Variants in TLK2 observed in about 807,000 individuals in gnomAD.
The protein encoded by TLK2 is tousled like kinase 2, also known as serine/threonine-protein kinase tousled-like 2.
TLK2 carries 6 observed loss-of-function variants against 117.3 expected under a neutral mutation model. That is an observed-to-expected ratio of 0.05 (90% CI 0.03 to 0.10). The LOEUF is 0.10. Among genes scored for constraint, TLK2 ranks in the 10% least tolerant of loss-of-function variants. The pLI, the probability that TLK2 is intolerant of heterozygous loss-of-function variation, is 1.00. For synonymous variants in TLK2, 257 were observed against 316.7 expected (o/e 0.81, Z 2.00); for missense variants, 299 against 901.2 (o/e 0.33, Z 8.56).
chr17:62,586,612 G>A (rs2081625526), intron 16 of TLK2, among the ~76,000 whole-genome samples: 1 of 152,104 alleles, frequency 6.6e-6, no homozygotes, highest in Non-Finnish European at 1.5e-5. Flanking sequence ...ACGAAGTCAG[G>A]AGATCGAGAC....
intron 16 of TLK2, among the ~76,000 whole-genome samples, chr17:62,590,391 A>G (rs1009362803): frequency 6.6e-6 from 1 of 152,128 alleles, no homozygotes; most frequent in Non-Finnish European, 1.5e-5. Context: ...GTGAGCCAAG[A>G]TCGCGCCACT....
At chr17:62,566,868 TA>T (rs1358227075) in intron 11 of TLK2, among the ~76,000 whole-genome samples, 2 of 152,232 alleles carry the variant, frequency 1.3e-5, no homozygotes, top group Non-Finnish European at 2.9e-5. Flanking sequence ...ACTATTTAGA[TA>T]GCAGTCTTTT....
At chr17:62,586,108 C>T in intron 15 of TLK2, 27 bp from the exon 16 acceptor site, 1 of 1,546,150 alleles carries the variant, frequency 6.5e-7, no homozygotes, top group Non-Finnish European at 8.8e-7. Flanking sequence ...TAACATTTAC[C>T]CAGTATATAA....
chr17:62,590,838 T>C (rs1051400488), intron 16 of TLK2, among the ~76,000 whole-genome samples: 12 of 152,220 alleles, frequency 7.9e-5, no homozygotes, highest in African/African-American at 2.9e-4. Flanking sequence ...TTTTGTAAAA[T>C]AAAAACGTAC....
intron 9 of TLK2, among the ~76,000 whole-genome samples, chr17:62,559,615 T>A (rs559704796): frequency 6.6e-6 from 1 of 152,186 alleles, no homozygotes; most frequent in South Asian, 2.1e-4. Flanking sequence ...TGACCTCAAG[T>A]CATCTGCCTG....
intron 1 of TLK2, among the ~76,000 whole-genome samples, chr17:62,472,692 C>G (rs57171530): frequency 0.044 from 6,553 of 150,594 alleles, 150 homozygotes; most frequent in Middle Eastern, 0.11. Flanking sequence ...GAGCTGAGAT[C>G]GCACCACTGC....
At chr17:62,542,474 C>T (rs1395931183) in intron 7 of TLK2, among the ~76,000 whole-genome samples, 1 of 152,184 alleles carries the variant, frequency 6.6e-6, no homozygotes, top group African/African-American at 2.4e-5. Context: ...ACATAACTTT[C>T]ACCCAGTCTT....
At chr17:62,505,340 C>G (rs2074580278) in intron 2 of TLK2, among the ~76,000 whole-genome samples, 1 of 149,132 alleles carries the variant, frequency 6.7e-6, no homozygotes, top group South Asian at 2.1e-4. Flanking sequence ...AACTCCTGGA[C>G]TTAAGTGATC....
intron 3 of TLK2, among the ~76,000 whole-genome samples, chr17:62,521,952 C>A (rs1461388845): frequency 6.6e-6 from 1 of 152,164 alleles, no homozygotes; most frequent in Non-Finnish European, 1.5e-5. Context: ...GGTTTTGTAG[C>A]AGCTCTGATT....
chr17:62,556,492 C>G (rs2078873644), intron 9 of TLK2, among the ~76,000 whole-genome samples: 1 of 152,168 alleles, frequency 6.6e-6, no homozygotes, highest in African/African-American at 2.4e-5. Context: ...CTCTTTTGCC[C>G]TCCCGTGGAA....
At chr17:62,592,930 A>G (rs1306633640) in intron 16 of TLK2, among the ~76,000 whole-genome samples, 2 of 152,202 alleles carry the variant, frequency 1.3e-5, no homozygotes. Flanking sequence ...CCTGGTGTGC[A>G]CAGTTCACAG....
chr17:62,492,446 GTTATTA>G (rs1346485497), intron 2 of TLK2, among the ~76,000 whole-genome samples: 7 of 151,600 alleles, frequency 4.6e-5, no homozygotes, highest in African/African-American at 1.7e-4. Flanking sequence ...ATAGAGATTT[GTTATTA>G]AACTGTTTTT....
At chr17:62,505,857 A>G (rs2074641160) in intron 2 of TLK2, among the ~76,000 whole-genome samples, 1 of 151,910 alleles carries the variant, frequency 6.6e-6, no homozygotes, top group African/African-American at 2.4e-5. Flanking sequence ...ATGCCTGGCT[A>G]ATTATTTATT....
intron 20 of TLK2, among the ~76,000 whole-genome samples, chr17:62,606,983 T>C (rs2083349255): frequency 6.6e-6 from 1 of 151,122 alleles, no homozygotes; most frequent in Non-Finnish European, 1.5e-5. Flanking sequence ...TAATTCAGAT[T>C]ATACCTTCCT....
intron 7 of TLK2, among the ~76,000 whole-genome samples, chr17:62,549,407 A>AAAAAAAAAAAAAAAAAAAAAAAAAAG (rs2078220058): frequency 5.8e-5 from 1 of 17,140 alleles, no homozygotes; most frequent in Non-Finnish European, 1.8e-4. Context: ...TCAAAAAAAA[A>AAAAAAAAAAAAAAAAAAAAAAAAAAG]AAAAAAAAAA....
At chr17:62,528,141 G>C (rs978618125) in intron 6 of TLK2, among the ~76,000 whole-genome samples, 1 of 152,110 alleles carries the variant, frequency 6.6e-6, no homozygotes, top group African/African-American at 2.4e-5. Context: ...TCCCCCACTT[G>C]ACATGTAAGC....
chr17:62,530,147 G>A (rs2076643292), intron 6 of TLK2, among the ~76,000 whole-genome samples: 1 of 152,004 alleles, frequency 6.6e-6, no homozygotes, highest in African/African-American at 2.4e-5. Context: ...GGTGGCAGGT[G>A]CCTGTAATCC....
chr17:62,510,071 C>T (rs940158625), intron 2 of TLK2, among the ~76,000 whole-genome samples: 3 of 152,170 alleles, frequency 2.0e-5, no homozygotes, highest in African/African-American at 4.8e-5. Context: ...TTGAGCCATT[C>T]GAGACCAGCC....
intron 5 of TLK2, 36 bp from the exon 6 acceptor site, chr17:62,524,200 T>G (rs1217777057): frequency 1.9e-6 from 3 of 1,612,536 alleles, no homozygotes; most frequent in Non-Finnish European, 2.5e-6. Context: ...TAGTACTGTT[T>G]TGAATTATTC....
Sources: allele counts gnomAD v4.1 joint callset (sites outside exome capture counted in the v4.1 genomes callset), GRCh38; gene constraint gnomAD v4.1.1; transcripts MANE v1.5; gene names NCBI Gene and HGNC (gene_info 2026-07-23, HGNC 2026-07-21).